The following HTR3C variants were observed in gnomAD, a reference collection of about 807,000 sequenced individuals.
HTR3C encodes 5-hydroxytryptamine receptor 3C, also known as 5-HT3-C.
A neutral mutation model predicts 40.5 loss-of-function variants in HTR3C; 32 were observed. The observed-to-expected ratio is 0.79, with a 90% CI of 0.60 to 1.06. The LOEUF (loss-of-function observed/expected upper bound fraction) is 1.06. Ranked by LOEUF, HTR3C falls within the 50% of genes least tolerant of loss-of-function variation. HTR3C has a pLI of 0.00. For synonymous variants in HTR3C, 209 were observed against 217.1 expected, an observed-to-expected ratio of 0.96 and a Z score of 0.33; for missense variants, 523 against 556.8, an observed-to-expected ratio of 0.94 and a Z score of 0.61.
chr3:184,059,395 T>C (rs568012082), intron 6 of HTR3C, 41 bp from the exon 7 acceptor site: 2 of 1,574,626 alleles, frequency 1.3e-6, no homozygotes, highest in Admixed American at 1.7e-5. Context: ...TTGAGCCCTC[T>C]GACATCTATT....
rs571575699 is a variant in HTR3C at position 184,060,353 on chromosome 3, G to A, written c.*1G>A. 7.6e-5 allele frequency: 122 copies of A among 1,614,112 alleles called. 2 individuals carry two copies. In the South Asian group the frequency reaches 1.2e-3, roughly 16 times the overall value. ...TGTCATTGTCCTCTGGAACACCTAG[G>A]CAGACATCCCCCCTCTCTGGCAAAC... On this transcript the variant is annotated 3_prime_UTR_variant, in exon 9 of 9. Coordinates refer to ENST00000318351, the MANE Select transcript of HTR3C (RefSeq NM_130770.3).
intron 1 of HTR3C, 124 bp from the exon 2 acceptor site, chr3:184,054,597 G>A: frequency 1.3e-6 from 1 of 779,554 alleles, no homozygotes; most frequent in African/African-American, 1.8e-5. Flanking sequence ...GCCTTGGGGA[G>A]TCTTGGCATG....
chr3:184,059,715 G>T, intron 7 of HTR3C, 75 bp downstream of exon 7: 1 of 1,592,642 alleles, frequency 6.3e-7, no homozygotes, highest in Non-Finnish European at 8.6e-7. Flanking sequence ...AATGGCCGCT[G>T]CTCCACTGAA....
intron 3 of HTR3C, 41 bp from the exon 4 acceptor site, chr3:184,056,136 C>T (rs747138691): frequency 1.5e-6 from 2 of 1,307,576 alleles, no homozygotes; most frequent in East Asian, 2.3e-5. Context: ...ACAGGACAAG[C>T]TCACCGTCAC....
intron 4 of HTR3C, 83 bp downstream of exon 4, chr3:184,056,369 G>A (rs545097844): frequency 1.1e-4 from 93 of 870,668 alleles, no homozygotes; most frequent in South Asian, 1.0e-3. Flanking sequence ...TGGGGCCACC[G>A]AAAGATTCAG....
Position 184,059,959 on chromosome 3 carries a change from C to T in HTR3C, c.1057C>T (p.His353Tyr), listed in dbSNP as rs779236031. Residue 353 changes from histidine (H) to tyrosine (Y), a missense_variant, in exon 8 of 9, where the codon CAC becomes TAC. Transcript: ENST00000318351. ...TAGGTGGCTTCACTCCCTGCTGCTC[C>T]ACTGCACCAGCCCAGGGAGATGCTG... ...MPRWLHSLLL[H>Y]CTSPGRCCPT... 1.2e-6 allele frequency: 2 copies of T among 1,613,746 alleles called. No homozygotes were observed. Among genetic ancestry groups the T allele is most frequent in the Non-Finnish European group, 1.7e-6 (2 of 1,180,040 alleles).
chr3:184,059,783 A>G, intron 7 of HTR3C, 45 bp from the exon 8 acceptor site: 3 of 1,604,690 alleles, frequency 1.9e-6, no homozygotes, highest in Non-Finnish European at 2.6e-6. Flanking sequence ...AGGAATGCTT[A>G]GAGATAAATT....
chr3:184,060,362 C>T lies in HTR3C; in HGVS notation c.*10C>T, dbSNP rs959892514. The T allele has an allele frequency of 1.2e-6, 2 of 1,613,952 alleles. No individual in the cohort carries two copies. Among genetic ancestry groups the T allele is most frequent in the African/African-American group, 1.3e-5 (1 of 74,922 alleles). Reference sequence around the variant, plus strand: ...CCTCTGGAACACCTAGGCAGACATCCCCCCTCTCTGGCAAACAACAGCTTG... The same window carrying T: ...CCTCTGGAACACCTAGGCAGACATCTCCCCTCTCTGGCAAACAACAGCTTG... On this transcript the variant is annotated 3_prime_UTR_variant, in exon 9 of 9. Transcript: ENST00000318351.
At chr3:184,059,721 C>T in intron 7 of HTR3C, 81 bp downstream of exon 7, 1 of 1,591,838 alleles carries the variant, frequency 6.3e-7, no homozygotes, top group Non-Finnish European at 8.6e-7. Flanking sequence ...CGCTGCTCCA[C>T]TGAAGGAAGG....
At chr3:184,056,331 G>T in intron 4 of HTR3C, 45 bp downstream of exon 4, 1 of 1,335,236 alleles carries the variant, frequency 7.5e-7, no homozygotes, top group South Asian at 1.2e-5. Context: ...CTCATCTGCC[G>T]AGAACAGCCT....
intron 1 of HTR3C, among the ~76,000 whole-genome samples, chr3:184,053,389 CCACCTTTT>C (rs1006784095): frequency 1.3e-5 from 2 of 152,200 alleles, no homozygotes; most frequent in Non-Finnish European, 2.9e-5. Context: ...TTCTCCAATT[CCACCTTTT>C]CACTGACTTC....
rs751005380 is a variant in HTR3C, at chr3:184,055,334, C to T, written c.257C>T (p.Thr86Ile). 1.8e-5 allele frequency: 29 copies of T among 1,609,200 alleles called. No individual in the cohort carries two copies. In the South Asian group the frequency reaches 3.2e-4, roughly 18 times the overall value. The change falls in exon 3 of 9, where the codon ACA becomes ATA. Residue 86 changes from threonine to isoleucine, a missense_variant. Physicochemically the swap from Thr to Ile is moderately conservative, Grantham distance 89. Transcript: ENST00000318351. ...CAGGATGCACAGCTCCAGCTGCTGACATCATTCCTGTGGATGGATTTGGTA... is the reference window on the plus strand; with the variant it reads ...CAGGATGCACAGCTCCAGCTGCTGATATCATTCCTGTGGATGGATTTGGTA... ...LGVDAQLQLL[T>I]SFLWMDLVWD...
chr3:184,058,003 G>A (rs1239905591), intron 5 of HTR3C, among the ~76,000 whole-genome samples: 2 of 152,078 alleles, frequency 1.3e-5, no homozygotes, highest in South Asian at 2.1e-4. Context: ...TAATATAACC[G>A]AATGCCACCA....
chr3:184,053,252 C>A, intron 1 of HTR3C, 105 bp downstream of exon 1: 1 of 808,930 alleles, frequency 1.2e-6, no homozygotes, highest in Non-Finnish European at 2.1e-6. Context: ...TTAAATATTT[C>A]TTCCATAATG....
rs768203994 is a variant in HTR3C, at chr3:184,060,110, C to T, written c.1142-40C>T. 5.1e-5 allele frequency: 82 copies of T among 1,605,184 alleles called. 2 individuals carry two copies. The South Asian group carries it at 8.9e-4, about 17-fold the overall frequency. On this transcript the variant is annotated intron_variant, in intron 8 of 8. Transcript: ENST00000318351. ...GGCCCAGCACTCCTCTAATCCTGTC[C>T]CCTTCCCACTCCATGACTGAGCCTC... is the stretch of plus-strand genomic sequence containing the variant.
chr3:184,056,937 A>G lies in HTR3C; in HGVS notation c.452A>G (p.Lys151Arg), dbSNP rs368101568. 1.7e-5 allele frequency: 28 copies of G among 1,613,896 alleles called. No individual in the cohort carries two copies. The African/African-American group carries it at 2.5e-4, about 15-fold the overall frequency. The change falls in exon 5 of 9, where the codon AAG becomes AGG. Residue 151 changes from lysine (K) to arginine (R), a missense_variant. By Grantham distance (26) the Lys-to-Arg change is conservative. Coordinates refer to ENST00000318351, the MANE Select transcript of HTR3C (RefSeq NM_130770.3). ...TATATCAGCAGTGAAGGTCGAATTA[A>G]GTATGATAAGCCAATGAGGGTGACC... The part of the protein sequence containing the change: ...TAYISSEGRI[K>R]YDKPMRVTSI...
chr3:184,055,884 C>CAAAAAAAAAAAAAAAAAAAAA (rs71185686), intron 3 of HTR3C, among the ~76,000 whole-genome samples: 2 of 30,704 alleles, frequency 6.5e-5, no homozygotes, highest in African/African-American at 1.2e-4. Flanking sequence ...AATAGCAACT[C>CAAAAAAAAAAAAAAAAAAAAA]AAAAAAAAAA....
chr3:184,055,384 C>T (rs755905266), intron 3 of HTR3C, 28 bp downstream of exon 3: 5 of 1,520,034 alleles, frequency 3.3e-6, no homozygotes. Flanking sequence ...ATCTCCTCCC[C>T]ACTTCATTTA....
At chr3:184,057,914 C>T (rs1294323889) in intron 5 of HTR3C, among the ~76,000 whole-genome samples, 1 of 152,278 alleles carries the variant, frequency 6.6e-6, no homozygotes, top group East Asian at 1.9e-4. Flanking sequence ...GCCCAGCTGA[C>T]TCTGAGCTGC....
Sources: gnomAD v4.1 joint callset for allele counts (sites outside exome capture counted in the v4.1 genomes callset) on GRCh38, gnomAD v4.1.1 for gene constraint, MANE v1.5 for transcripts, NCBI Gene and HGNC (gene_info 2026-07-23, HGNC 2026-07-21) for gene names.